The following CAB39 variants were observed in gnomAD, a reference collection of about 807,000 sequenced individuals.
The protein encoded by CAB39 is calcium-binding protein 39.
CAB39 carries 8 observed loss-of-function variants against 40.0 expected under a neutral mutation model. The observed-to-expected ratio is 0.20, with a 90% confidence interval of 0.12 to 0.36. The LOEUF (loss-of-function observed/expected upper bound fraction) is 0.36, where lower values mean the gene tolerates loss of function less well. Among genes scored for constraint, CAB39 ranks in the 10% least tolerant of loss-of-function variants. CAB39 has a pLI of 1.00. For synonymous variants in CAB39, 156 were observed against 141.6 expected (o/e 1.10, Z -0.72); for missense variants, 270 against 401.1 (o/e 0.67, Z 2.79).
At chr2:230,774,140 G>A (rs970387827) in intron 2 of CAB39, among the ~76,000 whole-genome samples, 1 of 152,156 alleles carries the variant, frequency 6.6e-6, no homozygotes, top group East Asian at 1.9e-4. Context: ...AGTCAAAGAC[G>A]GAATTCACAC....
chr2:230,798,108 G>C (rs1696022620), intron 4 of CAB39, among the ~76,000 whole-genome samples: 1 of 152,122 alleles, frequency 6.6e-6, no homozygotes, highest in Non-Finnish European at 1.5e-5. Flanking sequence ...CATAGGGAAG[G>C]CTGTGTGCAG....
intron 5 of CAB39, 180 bp downstream of exon 5, chr2:230,799,077 G>T: frequency 2.0e-6 from 1 of 499,624 alleles, no homozygotes; most frequent in Non-Finnish European, 3.5e-6. Flanking sequence ...TAAAAGGGTG[G>T]AAAAGTTAGA....
intron 2 of CAB39, among the ~76,000 whole-genome samples, chr2:230,764,188 A>G (rs567129304): frequency 1.3e-5 from 2 of 152,260 alleles, no homozygotes; most frequent in African/African-American, 4.8e-5. Context: ...CAACTTTGCA[A>G]TGTTGCAAAA....
At chr2:230,731,713 A>T (rs900236873) in intron 1 of CAB39, among the ~76,000 whole-genome samples, 1 of 152,112 alleles carries the variant, frequency 6.6e-6, no homozygotes, top group Non-Finnish European at 1.5e-5. Flanking sequence ...TGCCCAGCCT[A>T]GTCTTGAACT....
chr2:230,745,984 C>G (rs1287970782), intron 1 of CAB39, among the ~76,000 whole-genome samples: 1 of 152,088 alleles, frequency 6.6e-6, no homozygotes, highest in Non-Finnish European at 1.5e-5. Flanking sequence ...GTATCCTTTT[C>G]ATGTTTATTT....
intron 2 of CAB39, among the ~76,000 whole-genome samples, chr2:230,762,123 G>T (rs1469021030): frequency 6.6e-6 from 1 of 152,070 alleles, no homozygotes; most frequent in African/African-American, 2.4e-5. Flanking sequence ...GGTCAGGCTG[G>T]TCTCGAACTC....
Position 230,748,845 on chromosome 2 carries a change from T to A in CAB39, c.-43-11114T>A, listed in dbSNP as rs1198068221. ...AAAAAAAAAAAAATATATATATATA[T>A]ATATATATATATATATATATATAAC... On this transcript the variant is annotated intron_variant, in intron 1 of 8. Transcript: ENST00000258418. Among the ~76,000 whole-genome samples, 175 of 96,526 alleles carry A rather than the reference T, an allele frequency of 1.8e-3. 2 individuals carry two copies. The highest frequency in any genetic ancestry group is 3.8e-3 in the African/African-American group (99 of 26,202). 63.3% of individuals were successfully genotyped at this position (96,526 alleles called of 152,430 possible). A position where few individuals can be genotyped will look rare whatever the true frequency, so the allele number is the denominator to read the frequency against.
chr2:230,714,417 A>C (rs1051907152), intron 1 of CAB39, among the ~76,000 whole-genome samples: 2 of 152,244 alleles, frequency 1.3e-5, no homozygotes, highest in African/African-American at 2.4e-5. Context: ...GGCTAAGCAA[A>C]GTACCTTTGC....
chr2:230,793,243 A>G lies in CAB39; in HGVS notation c.310A>G (p.Asn104Asp). ...GKKDVAQIFN[N>D]ILRRQIGTRT... The stretch of plus-strand genomic sequence containing the variant: ...AAAAGACGTGGCTCAAATTTTCAAC[A>G]ATATTCTCAGAAGACAAATTGGTAC... The change falls in exon 4 of 9, where the codon AAT (asparagine) becomes GAT (aspartate). Residue 104 changes from asparagine to aspartate, a missense_variant. Transcript: ENST00000258418. 6.2e-7 allele frequency: 1 copy of G among 1,612,204 alleles called. No individual in the cohort carries two copies. The highest frequency in any genetic ancestry group is 8.5e-7 in the Non-Finnish European group (1 of 1,178,746).
intron 2 of CAB39, among the ~76,000 whole-genome samples, chr2:230,763,943 G>A (rs1695338632): frequency 6.6e-6 from 1 of 152,054 alleles, no homozygotes; most frequent in African/African-American, 2.4e-5. Context: ...CCAACATAGT[G>A]AAACCTTGTC....
At chr2:230,726,883 A>T (rs1694582444) in intron 1 of CAB39, among the ~76,000 whole-genome samples, 1 of 149,944 alleles carries the variant, frequency 6.7e-6, no homozygotes, top group African/African-American at 2.5e-5. Context: ...GGACTTTTTA[A>T]ATATAGTGAA....
At chr2:230,772,455 T>C (rs1695498681) in intron 2 of CAB39, among the ~76,000 whole-genome samples, 1 of 151,742 alleles carries the variant, frequency 6.6e-6, no homozygotes. Flanking sequence ...GAATATAAGA[T>C]GGTATGACTA....
intron 1 of CAB39, among the ~76,000 whole-genome samples, chr2:230,727,363 C>CGTGTGTGTGTGT (rs10542723): frequency 0.016 from 2,069 of 126,900 alleles, 92 homozygotes; most frequent in African/African-American, 0.062. Flanking sequence ...GATTGTTAAC[C>CGTGTGTGTGTGT]GTGTGTGTGT....
At chr2:230,769,125 T>C (rs1322087678) in intron 2 of CAB39, among the ~76,000 whole-genome samples, 2 of 152,154 alleles carry the variant, frequency 1.3e-5, no homozygotes, top group Non-Finnish European at 2.9e-5. Flanking sequence ...GCAGACAAAA[T>C]AGACTTCAGA....
In CAB39 at chr2:230,818,638, C is replaced by T. The variant is rs140484947; in HGVS notation, c.960C>T (p.Asn320=). The T allele has an allele frequency of 2.4e-5, 39 of 1,614,124 alleles. No individual in the cohort carries two copies. Among genetic ancestry groups the T allele is most frequent in the African/African-American group, 6.7e-5 (5 of 75,046 alleles). The part of the protein sequence containing the change: ...QNDRTEDEQF[N]DEKTYLVKQI... ...ACAGGACGGAGGATGAGCAGTTTAA[C>T]GACGAGAAGACCTATTTAGTTAAAC... Residue 320 remains asparagine, a synonymous_variant, in exon 9 of 9, where the codon AAC becomes AAT. Coordinates refer to ENST00000258418, the MANE Select transcript of CAB39 (RefSeq NM_016289.4).
Position 230,803,947 on chromosome 2 carries a change from C to T in CAB39, c.567+5050C>T, listed in dbSNP as rs113811166. ...AAAGAGCCCGCATTGCCAAGACAATCGTAAGCACAAAGAACAAAGCTGGAG... is the reference window on the plus strand; with the variant it reads ...AAAGAGCCCGCATTGCCAAGACAATTGTAAGCACAAAGAACAAAGCTGGAG... On this transcript the variant is annotated intron_variant, in intron 5 of 8. Transcript: ENST00000258418. Among the ~76,000 whole-genome samples, 1,459 of 152,284 alleles carry T rather than the reference C, an allele frequency of 9.6e-3. 22 individuals carry two copies. The highest frequency in any genetic ancestry group is 0.032 in the African/African-American group (1,344 of 41,550).
chr2:230,801,837 C>G (rs908389495), intron 5 of CAB39, among the ~76,000 whole-genome samples: 1 of 151,424 alleles, frequency 6.6e-6, no homozygotes, highest in African/African-American at 2.4e-5. Context: ...CCACTGCACT[C>G]CACCCTGGGC....
intron 2 of CAB39, among the ~76,000 whole-genome samples, chr2:230,761,764 A>G (rs1164235388): frequency 1.3e-5 from 2 of 152,178 alleles, no homozygotes; most frequent in African/African-American, 2.4e-5. Context: ...ATTCTGTTCA[A>G]TGTTTCTAAT....
intron 1 of CAB39, among the ~76,000 whole-genome samples, chr2:230,746,855 C>T (rs1392235783): frequency 2.0e-5 from 3 of 152,162 alleles, no homozygotes; most frequent in African/African-American, 7.2e-5. Flanking sequence ...TCTGGGGTCT[C>T]ATGCAAAGCA....
Sources: allele counts gnomAD v4.1 joint callset (sites outside exome capture counted in the v4.1 genomes callset), GRCh38; gene constraint gnomAD v4.1.1; transcripts MANE v1.5; gene names NCBI Gene and HGNC (gene_info 2026-07-23, HGNC 2026-07-21).